SINHCAF: variants seen among roughly 807,000 people sequenced by gnomAD.
SINHCAF encodes the protein SIN3-HDAC complex associated factor, also known as SIN3-HDAC complex-associated factor.
In SINHCAF, 3 loss-of-function variants were observed where a neutral mutation model predicts 25.8. The ratio of observed to expected loss-of-function variants is 0.12; its 90% CI spans 0.05 to 0.30. The LOEUF (loss-of-function observed/expected upper bound fraction) is 0.30. Ranked by LOEUF, SINHCAF falls within the 10% of genes least tolerant of loss-of-function variation. The pLI is 1.00. For synonymous variants in SINHCAF, 70 were observed against 85.5 expected, an observed-to-expected ratio of 0.82 and a Z score of 1.00; for missense variants, 121 against 262.3, an observed-to-expected ratio of 0.46 and a Z score of 3.72.
At chr12:31,293,701 TA>T in intron 4 of SINHCAF, 103 bp downstream of exon 4, 2 of 1,019,666 alleles carry the variant, frequency 2.0e-6, no homozygotes, top group Non-Finnish European at 2.8e-6. Flanking sequence ...GTGCTCTTTA[TA>T]AAAAGCAATA....
intron 5 of SINHCAF, among the ~76,000 whole-genome samples, chr12:31,284,763 A>G (rs913991660): frequency 2.6e-5 from 4 of 152,178 alleles, no homozygotes; most frequent in Admixed American, 1.3e-4. Context: ...TGCTATATAC[A>G]TATGTGGCCT....
At chr12:31,297,008 T>C (rs1263953458) in intron 2 of SINHCAF, 1 of 443,380 alleles carries the variant, frequency 2.3e-6, no homozygotes, top group Non-Finnish European at 4.5e-6. Context: ...GAATAGCTAC[T>C]GCACTCCAGC....
intron 1 of SINHCAF, among the ~76,000 whole-genome samples, chr12:31,323,489 G>A (rs1175555110): frequency 1.3e-5 from 2 of 152,078 alleles, no homozygotes; most frequent in Non-Finnish European, 2.9e-5. Flanking sequence ...GAATTGCTGG[G>A]GTAAAACTGT....
intron 1 of SINHCAF, among the ~76,000 whole-genome samples, chr12:31,312,296 T>C (rs1365944277): frequency 2.0e-5 from 3 of 152,260 alleles, no homozygotes; most frequent in Non-Finnish European, 4.4e-5. Flanking sequence ...ATAGACATTT[T>C]GGGACATTTT....
rs1353902770 is a variant in SINHCAF, at chr12:31,311,335, G to C, written c.-20-13111C>G. On this transcript the variant is annotated intron_variant, in intron 1 of 5. Coordinates refer to ENST00000337682, the MANE Select transcript of SINHCAF (RefSeq NM_001135812.2). Reference sequence around the variant, plus strand: ...TTCTAGCTATTCCTTAGCTTAAGCAGCTGAAACCAGCATGTAGACAAGCCG... The same window carrying C: ...TTCTAGCTATTCCTTAGCTTAAGCACCTGAAACCAGCATGTAGACAAGCCG... Among the ~76,000 whole-genome samples the C allele has an allele frequency of 3.3e-5, 5 of 152,168 alleles. No individual in the cohort carries two copies. The East Asian group carries it at 9.6e-4, about 29-fold the overall frequency.
At chr12:31,323,659 C>T (rs917512154) in intron 1 of SINHCAF, among the ~76,000 whole-genome samples, 3 of 152,148 alleles carry the variant, frequency 2.0e-5, no homozygotes, top group Non-Finnish European at 4.4e-5. Flanking sequence ...AACCAACTCC[C>T]CCTACACCAA....
At chr12:31,311,982 C>T (rs2137121880) in intron 1 of SINHCAF, 1 of 703,888 alleles carries the variant, frequency 1.4e-6, no homozygotes, top group East Asian at 4.3e-5. Context: ...TTTATGGTAG[C>T]CTTTCAGCTA....
intron 1 of SINHCAF, among the ~76,000 whole-genome samples, chr12:31,309,427 T>TA (rs1263987922): frequency 6.6e-6 from 1 of 152,202 alleles, no homozygotes; most frequent in Non-Finnish European, 1.5e-5. Flanking sequence ...AAGGGATTCT[T>TA]AGTGTTAATC....
At chr12:31,309,127 C>CAAA (rs757095598) in intron 1 of SINHCAF, among the ~76,000 whole-genome samples, 49 of 75,324 alleles carry the variant, frequency 6.5e-4, no homozygotes, top group East Asian at 5.6e-3. Context: ...GATTCTGTCT[C>CAAA]AAAAAAAAAA....
At chr12:31,320,802 T>A (rs548667702) in intron 1 of SINHCAF, among the ~76,000 whole-genome samples, 11 of 151,826 alleles carry the variant, frequency 7.2e-5, no homozygotes, top group African/African-American at 2.7e-4. Context: ...TAGGAAAAAA[T>A]GTTTCTTGCT....
At chr12:31,285,418 T>TACACATACACAC (rs1555110958) in intron 5 of SINHCAF, among the ~76,000 whole-genome samples, 8 of 141,356 alleles carry the variant, frequency 5.7e-5, no homozygotes, top group Non-Finnish European at 9.2e-5. Flanking sequence ...TATATATACA[T>TACACATACACAC]ACACACACAC....
rs1452182845 is a variant in SINHCAF, at chr12:31,325,185, C to T, written c.-21+839G>A. 1 of 456,794 alleles carries T rather than the reference C, an allele frequency of 2.2e-6. No homozygotes were observed. The highest frequency in any genetic ancestry group is 4.4e-6 in the Non-Finnish European group (1 of 226,990). 28.3% of individuals were successfully genotyped at this position (456,794 alleles called of 1,614,324 possible). On this transcript the variant is annotated intron_variant, in intron 1 of 5. Transcript: ENST00000337682. The surrounding 1 kb of genome is among the most constrained non-coding windows in gnomAD (Gnocchi z 5.9). ...GGACGGCCGCCCATAAACGGGAAGC[C>T]CTCGCGGTGTCGCCCACACCTACGC... is the stretch of plus-strand genomic sequence containing the variant.
rs1366212367 is a variant in SINHCAF at position 31,324,738 on chromosome 12, C to T, written c.-21+1286G>A. The T allele has an allele frequency of 5.7e-6, 2 of 350,834 alleles. No individual in the cohort carries two copies. The highest frequency in any genetic ancestry group is 1.1e-5 in the Non-Finnish European group (2 of 175,986). The allele number at this position is 350,834 out of a possible 1,614,324, so 21.7% of individuals were successfully genotyped here. On this transcript the variant is annotated intron_variant, in intron 1 of 5. Transcript: ENST00000337682. This position sits in a 1 kb window ranked among gnomAD's most constrained non-coding sequence, Gnocchi z 5.5. ...GCAGGGGCCGGACACTGGACGATCA[C>T]CCTGGGTAGGGGTCCGGACCCCGCG... is the stretch of plus-strand genomic sequence containing the variant.
intron 1 of SINHCAF, among the ~76,000 whole-genome samples, chr12:31,320,618 T>C (rs12316392): frequency 0.016 from 2,370 of 152,254 alleles, 64 homozygotes; most frequent in African/African-American, 0.052. Context: ...GGGCATGGAA[T>C]GGGAAATGGT....
Position 31,324,687 on chromosome 12 carries a change from C to T in SINHCAF, c.-21+1337G>A. 1 of 328,052 alleles carries T rather than the reference C, an allele frequency of 3.0e-6. No homozygotes were observed. Among genetic ancestry groups the T allele is most frequent in the South Asian group, 2.3e-5 (1 of 42,844 alleles). 20.3% of individuals were successfully genotyped at this position (328,052 alleles called of 1,614,324 possible). A position where few individuals can be genotyped will look rare whatever the true frequency, so the allele number is the denominator to read the frequency against. ...TGTCCAGCCGGGCGCTGCCTACGTG[C>T]AGCATCAGGGATGTCGGAGCGTTTC... On this transcript the variant is annotated intron_variant, in intron 1 of 5. Coordinates refer to ENST00000337682, the MANE Select transcript of SINHCAF (RefSeq NM_001135812.2). The surrounding 1 kb of genome is among the most constrained non-coding windows in gnomAD (Gnocchi z 5.5).
At chr12:31,318,132 G>A (rs1331649490) in intron 1 of SINHCAF, among the ~76,000 whole-genome samples, 1 of 152,168 alleles carries the variant, frequency 6.6e-6, no homozygotes, top group Admixed American at 6.5e-5. Flanking sequence ...CAGTGTAACT[G>A]GAGCAACACT....
chr12:31,288,311 A>T (rs1938160011), intron 4 of SINHCAF, among the ~76,000 whole-genome samples: 1 of 152,222 alleles, frequency 6.6e-6, no homozygotes, highest in African/African-American at 2.4e-5. Context: ...ATTTCTGAAC[A>T]CTAACCTTCC....
chr12:31,298,651 T>C (rs1938648641), intron 1 of SINHCAF: 2 of 231,352 alleles, frequency 8.6e-6, no homozygotes, highest in African/African-American at 2.3e-5. Flanking sequence ...TGGGGAAGTT[T>C]TGAGCATTTA....
At chr12:31,298,700 A>G (rs1233337669) in intron 1 of SINHCAF, among the ~76,000 whole-genome samples, 3 of 152,202 alleles carry the variant, frequency 2.0e-5, no homozygotes, top group Non-Finnish European at 4.4e-5. Flanking sequence ...CAACTAGCTC[A>G]CTATGCATCA....
Sources: allele counts gnomAD v4.1 joint callset (sites outside exome capture counted in the v4.1 genomes callset), GRCh38; gene constraint gnomAD v4.1.1; non-coding constraint Gnocchi (gnomAD v3.1); transcripts MANE v1.5; gene names NCBI Gene and HGNC (gene_info 2026-07-23, HGNC 2026-07-21).